The following ABR variants were observed in gnomAD, a reference collection of about 807,000 sequenced individuals.
ABR encodes active breakpoint cluster region-related protein.
In ABR, 35 loss-of-function variants were observed where a neutral mutation model predicts 107.2. The observed-to-expected ratio is 0.33, with a 90% confidence interval of 0.25 to 0.43. The LOEUF is 0.43. Among genes scored for constraint, ABR ranks in the 20% least tolerant of loss-of-function variants. The pLI, the probability that ABR is intolerant of heterozygous loss-of-function variation, is 1.00. For synonymous variants in ABR, 498 were observed against 462.0 expected (o/e 1.08, Z -1.00); for missense variants, 815 against 1,115.2 (o/e 0.73, Z 3.83).
intron 1 of ABR, among the ~76,000 whole-genome samples, chr17:1,215,213 C>CT (rs542168589): frequency 1.4e-5 from 1 of 69,008 alleles, no homozygotes; most frequent in Non-Finnish European, 2.9e-5. Flanking sequence ...GAGCAAGACT[C>CT]TGTCTCAAAA....
At chr17:1,168,996 G>A (rs560118440) in intron 1 of ABR, among the ~76,000 whole-genome samples, 34 of 152,314 alleles carry the variant, frequency 2.2e-4, no homozygotes, top group Middle Eastern at 3.4e-3. Context: ...GCTGTTCCAC[G>A]CGGCTGGGTG....
At chr17:1,069,586 C>T (rs940178742) in intron 9 of ABR, among the ~76,000 whole-genome samples, 11 of 152,080 alleles carry the variant, frequency 7.2e-5, no homozygotes, top group Admixed American at 6.5e-4. Context: ...GCAGGAAAAT[C>T]GCTTGAACCC....
intron 1 of ABR, among the ~76,000 whole-genome samples, chr17:1,135,373 TTG>T (rs201242311): frequency 0.036 from 2,641 of 73,106 alleles, 98 homozygotes; most frequent in African/African-American, 0.078. Context: ...CTTTTTCTTT[TTG>T]TCTTTTTTTT....
rs368724616 is a variant in ABR, at chr17:1,133,244, A to G, written c.62-7877T>C. On this transcript the variant is annotated intron_variant, in intron 1 of 22. Coordinates refer to ENST00000302538, the MANE Select transcript of ABR (RefSeq NM_021962.5). ...GCAGCAAGAGCAAAACTCCGTCTCG[A>G]AAAAAAAAAAAAAAGTTGGCCCAAC... 4.5e-3 allele frequency among the ~76,000 whole-genome samples: 233 copies of G among 51,752 alleles called. 2 individuals carry two copies. Among genetic ancestry groups the G allele is most frequent in the African/African-American group, 8.7e-3 (218 of 25,142 alleles). 34.0% of individuals were successfully genotyped at this position (51,752 alleles called of 152,430 possible).
Position 1,056,074 on chromosome 17 carries a change from C to A in ABR, c.1522G>T (p.Val508Phe). Residue 508 changes from valine (V) to phenylalanine (F), a missense_variant, in exon 14 of 23, where the codon GTC (valine) becomes TTC (phenylalanine). Physicochemically the swap from Val to Phe is conservative, Grantham distance 50. Transcript: ENST00000302538. Reference protein sequence around the residue: ...ESPGLYGFLHVIVHSAKGFKQ... With the variant: ...ESPGLYGFLHFIVHSAKGFKQ... ...AATCCCTTGGCAGAGTGGACGATGA[C>A]ATGAAGGAAGCCATAGAGTCCTGGA... The A allele has an allele frequency of 6.2e-7, 1 of 1,614,196 alleles. No individual in the cohort carries two copies. The highest frequency in any genetic ancestry group is 8.5e-7 in the Non-Finnish European group (1 of 1,180,034).
chr17:1,088,140 C>T (rs577285863), intron 4 of ABR, among the ~76,000 whole-genome samples: 10 of 152,266 alleles, frequency 6.6e-5, no homozygotes, highest in Admixed American at 3.9e-4. Flanking sequence ...CATCGGTTCA[C>T]GATGCTGGGG....
chr17:1,151,266 C>T (rs1369231055), intron 1 of ABR, among the ~76,000 whole-genome samples: 1 of 152,184 alleles, frequency 6.6e-6, no homozygotes, highest in East Asian at 1.9e-4. Context: ...CTGCCAGGCT[C>T]TCACAGAGGC....
chr17:1,054,165 C>T (rs115775701), intron 14 of ABR, among the ~76,000 whole-genome samples: 3,621 of 152,294 alleles, frequency 0.024, 142 homozygotes, highest in African/African-American at 0.082. Context: ...GTGACCTCGG[C>T]GGGATGCCGG....
intron 2 of ABR, among the ~76,000 whole-genome samples, chr17:1,121,281 G>A (rs148842768): frequency 5.3e-5 from 8 of 152,362 alleles, no homozygotes; most frequent in East Asian, 1.9e-4. Flanking sequence ...GGCTTCACCC[G>A]GGGCCACCCC....
intron 16 of ABR, among the ~76,000 whole-genome samples, chr17:1,031,426 G>A (rs529225633): frequency 7.1e-4 from 108 of 152,172 alleles, no homozygotes; most frequent in African/African-American, 2.4e-3. Context: ...CCCAGCGTTC[G>A]CCATCAAGTT....
In ABR at chr17:1,011,042, G is replaced by A. The variant is rs1370914726; in HGVS notation, c.2102-179C>T. The A allele has an allele frequency of 2.5e-5, 19 of 752,696 alleles. No individual in the cohort carries two copies. The highest frequency in any genetic ancestry group is 3.8e-5 in the Non-Finnish European group (18 of 471,414). 46.6% of individuals were successfully genotyped at this position (752,696 alleles called of 1,614,324 possible). ...ACTCGGCTCTGTGGGTCGGGGTTGG[G>A]GGAACAGGGAGAGATAGCCTGGGGG... On this transcript the variant is annotated intron_variant, in intron 19 of 22. Coordinates refer to ENST00000302538, the MANE Select transcript of ABR (RefSeq NM_021962.5). This position sits in a 1 kb window ranked among gnomAD's most constrained non-coding sequence, Gnocchi z 4.8.
At chr17:1,022,430 G>A (rs2586251) in intron 16 of ABR, 29,352 of 153,032 alleles carry the variant, frequency 0.19, 3,400 homozygotes, top group Admixed American at 0.33. Flanking sequence ...TGAGAGGCAC[G>A]GCGGGGCTGG....
chr17:1,132,539 T>C (rs531694458), intron 1 of ABR, among the ~76,000 whole-genome samples: 10 of 152,098 alleles, frequency 6.6e-5, no homozygotes, highest in African/African-American at 2.4e-4. Context: ...CCACCATGCC[T>C]GGCTAATTGT....
chr17:1,070,789 G>A lies in ABR; in HGVS notation c.895-699C>T, dbSNP rs574111137. The stretch of plus-strand genomic sequence containing the variant: ...CAGAGCCGGGGGGTCGTCCCCATCT[G>A]TGCCAGCCTTTCCTGTATGATACAC... On this transcript the variant is annotated intron_variant, in intron 8 of 22. Coordinates refer to ENST00000302538, the MANE Select transcript of ABR (RefSeq NM_021962.5). This position sits in a 1 kb window ranked among gnomAD's most constrained non-coding sequence, Gnocchi z 4.2. Among the ~76,000 whole-genome samples the A allele has an allele frequency of 6.6e-6, 1 of 152,346 alleles. No individual in the cohort carries two copies. Among genetic ancestry groups the A allele is most frequent in the East Asian group, 1.9e-4 (1 of 5,184 alleles).
At chr17:1,039,868 C>T (rs527813422) in intron 16 of ABR, among the ~76,000 whole-genome samples, 78 of 152,278 alleles carry the variant, frequency 5.1e-4, no homozygotes, top group African/African-American at 1.6e-3. Context: ...GGCGCCGACG[C>T]GGGCTGATCT....
At chr17:1,211,868 G>A (rs778219756) in intron 1 of ABR, among the ~76,000 whole-genome samples, 6 of 151,878 alleles carry the variant, frequency 4.0e-5, no homozygotes, top group Admixed American at 6.6e-5. Context: ...ATTGCTTGAG[G>A]TCGGGAGTTT....
chr17:1,042,626 A>G, intron 16 of ABR, among the ~76,000 whole-genome samples: 1 of 149,084 alleles, frequency 6.7e-6, no homozygotes, highest in Non-Finnish European at 1.5e-5. Context: ...TGGCACCTAC[A>G]TCCACGGACA....
At chr17:1,163,340 T>G (rs2041381820) in intron 1 of ABR, among the ~76,000 whole-genome samples, 2 of 152,246 alleles carry the variant, frequency 1.3e-5, no homozygotes, top group African/African-American at 4.8e-5. Flanking sequence ...TCAATGTTTC[T>G]GTGACAATTC....
chr17:1,018,337 T>A (rs138842947), intron 16 of ABR, among the ~76,000 whole-genome samples: 3 of 152,328 alleles, frequency 2.0e-5, no homozygotes, highest in East Asian at 1.9e-4. Flanking sequence ...CCACCACGCC[T>A]GGCCCGGGCC....
Sources: gnomAD v4.1 joint callset for allele counts (sites outside exome capture counted in the v4.1 genomes callset) on GRCh38, gnomAD v4.1.1 for gene constraint, Gnocchi (gnomAD v3.1) non-coding constraint, MANE v1.5 for transcripts, NCBI Gene and HGNC (gene_info 2026-07-23, HGNC 2026-07-21) for gene names.